ZKSCAN7: variants seen among roughly 807,000 people sequenced by gnomAD.
ZKSCAN7 encodes zinc finger protein with KRAB and SCAN domains 7.
Under a neutral mutation model 65.3 loss-of-function variants are expected in ZKSCAN7, and 38 were observed. That is an observed-to-expected ratio of 0.58 (90% confidence interval 0.45 to 0.76). ZKSCAN7 has a LOEUF of 0.76. Ranked by LOEUF, ZKSCAN7 falls within the 30% of genes least tolerant of loss-of-function variation. The pLI is 0.00. For missense variants in ZKSCAN7, 815 were observed against 913.3 expected (o/e 0.89, Z 1.39); for synonymous variants, 321 against 321.0 (o/e 1.00, Z 0.00).
intron 2 of ZKSCAN7, among the ~76,000 whole-genome samples, chr3:44,561,162 C>G (rs570017602): frequency 2.0e-5 from 3 of 152,214 alleles, no homozygotes; most frequent in Non-Finnish European, 2.9e-5. Context: ...AATTGGCCCA[C>G]AGTTTCACAG....
chr3:44,563,085 C>T (rs1041843388), intron 2 of ZKSCAN7, among the ~76,000 whole-genome samples: 3 of 152,270 alleles, frequency 2.0e-5, no homozygotes, highest in Non-Finnish European at 4.4e-5. Context: ...GGTCTCTTTG[C>T]TAAAGCATAG....
In ZKSCAN7 at chr3:44,570,378, C is replaced by T. The variant is rs1436985570; in HGVS notation, c.1268C>T (p.Thr423Ile). The T allele has an allele frequency of 3.7e-6, 6 of 1,613,116 alleles. No homozygotes were observed. The highest frequency in any genetic ancestry group is 8.5e-7 in the Non-Finnish European group (1 of 1,179,726). Residue 423 changes from threonine to isoleucine, a missense_variant, in exon 6 of 6, where the codon ACC (threonine) becomes ATC (isoleucine). By Grantham distance (89) the Thr-to-Ile change is moderately conservative. This residue lies in a region of ZKSCAN7 where 578 missense variants were observed against 629.5 expected (regional missense o/e 0.92). Transcript: ENST00000426540. ...CNECGKTFRQ[T>I]SQLIVHLRTH... Reference sequence around the variant, plus strand: ...GAGTGTGGGAAGACCTTCAGGCAAACCTCCCAGCTCATTGTTCATCTCAGA... The same window carrying T: ...GAGTGTGGGAAGACCTTCAGGCAAATCTCCCAGCTCATTGTTCATCTCAGA...
intron 5 of ZKSCAN7, among the ~76,000 whole-genome samples, chr3:44,579,281 C>T (rs987642672): frequency 1.3e-5 from 2 of 152,320 alleles, no homozygotes; most frequent in Admixed American, 6.5e-5. Flanking sequence ...CCTCCGTGCA[C>T]GCTCCCGCTC....
intron 1 of ZKSCAN7, among the ~76,000 whole-genome samples, chr3:44,555,945 TGACTG>T (rs1359040173): frequency 6.6e-6 from 1 of 152,204 alleles, no homozygotes. Context: ...TGTACAAAGA[TGACTG>T]GAAGTCAGCT....
chr3:44,580,740 C>T, intron 5 of ZKSCAN7: 2 of 1,613,908 alleles, frequency 1.2e-6, no homozygotes, highest in Non-Finnish European at 1.7e-6. Flanking sequence ...GTTGATGGTG[C>T]CCTGAGGAAG....
intron 5 of ZKSCAN7, chr3:44,579,838 C>T (rs1700021592): frequency 1.2e-6 from 2 of 1,611,702 alleles, no homozygotes; most frequent in Admixed American, 3.3e-5. Context: ...ACTGGCTGTC[C>T]TCATACTGCT....
downstream of ZKSCAN7, among the ~76,000 whole-genome samples, chr3:44,575,568 G>T (rs925193967): frequency 2.6e-5 from 4 of 152,144 alleles, no homozygotes; most frequent in Non-Finnish European, 4.4e-5. Flanking sequence ...GTATTCCTGG[G>T]ATAAATCTAT....
At chr3:44,557,716 G>T (rs114356906) in intron 2 of ZKSCAN7, 3 of 558,034 alleles carry the variant, frequency 5.4e-6, no homozygotes, top group South Asian at 2.3e-5. Flanking sequence ...CTGGAGATTC[G>T]CATGGTACTC....
chr3:44,562,616 T>TTAAATAAAA (rs1559424326), intron 2 of ZKSCAN7, among the ~76,000 whole-genome samples: 1 of 152,242 alleles, frequency 6.6e-6, no homozygotes, highest in Non-Finnish European at 1.5e-5. Context: ...CAGATCTCTT[T>TTAAATAAAA]GTTCACAAAT....
chr3:44,569,145 C>T (rs181127893), intron 5 of ZKSCAN7, among the ~76,000 whole-genome samples: 121 of 152,314 alleles, frequency 7.9e-4, no homozygotes, highest in Non-Finnish European at 1.5e-3. Context: ...GGGTTTGGCC[C>T]AGGCCACAGC....
At chr3:44,558,577 C>G (rs998800996) in intron 2 of ZKSCAN7, among the ~76,000 whole-genome samples, 1 of 151,160 alleles carries the variant, frequency 6.6e-6, no homozygotes, top group Non-Finnish European at 1.5e-5. Flanking sequence ...AAGTGGCTTA[C>G]GTAATTGTGA....
At chr3:44,568,202 A>G (rs1263522344) in intron 4 of ZKSCAN7, 105 bp from the exon 5 acceptor site, 2 of 1,552,356 alleles carry the variant, frequency 1.3e-6, no homozygotes, top group African/African-American at 2.7e-5. Context: ...CCTCTCTCCC[A>G]TACTTTTGCC....
chr3:44,570,245 G>A lies in ZKSCAN7; in HGVS notation c.1135G>A (p.Gly379Arg). 1 of 1,614,206 alleles carries A rather than the reference G, an allele frequency of 6.2e-7. No homozygotes were observed. Among genetic ancestry groups the A allele is most frequent in the Non-Finnish European group, 8.5e-7 (1 of 1,180,030 alleles). ...TGTTGAACATGAAGGAGTTTTAAAG[G>A]GACAGAAATCCTATCGATGTGATGA... ...SPVEHEGVLK[G>R]QKSYRCDECG... The change falls in exon 6 of 6, where the codon GGA becomes AGA. Residue 379 changes from glycine to arginine, a missense_variant. Transcript: ENST00000426540.
At chr3:44,578,146 C>T in intron 5 of ZKSCAN7, 2 of 1,519,916 alleles carry the variant, frequency 1.3e-6, no homozygotes, top group Non-Finnish European at 1.8e-6. Context: ...TTAAGCTGCT[C>T]TTTCAACCTG....
chr3:44,581,371 G>A lies in ZKSCAN7; in HGVS notation c.812-1601G>A, dbSNP rs1415993563. Among the ~76,000 whole-genome samples the A allele has an allele frequency of 2.0e-5, 3 of 152,008 alleles. No homozygotes were observed. The East Asian group carries it at 5.8e-4, about 29-fold the overall frequency. On this transcript the variant is annotated intron_variant, in intron 5 of 5. Transcript: ENST00000341840. Reference sequence around the variant, plus strand: ...CCACAGCTGCCCTCAGCGCCCCGCGGCCGCTGCAAATGACCAATTCTTAAG... The same window carrying A: ...CCACAGCTGCCCTCAGCGCCCCGCGACCGCTGCAAATGACCAATTCTTAAG...
intron 5 of ZKSCAN7, chr3:44,579,802 G>A (rs974014337): frequency 8.1e-6 from 13 of 1,612,976 alleles, no homozygotes; most frequent in Admixed American, 5.0e-5. Context: ...GGCTTTGATC[G>A]GCGAGGACAA....
chr3:44,573,029 C>G (rs1167778718), downstream of ZKSCAN7, among the ~76,000 whole-genome samples: 5 of 152,130 alleles, frequency 3.3e-5, no homozygotes, highest in Admixed American at 2.6e-4. Context: ...TCCTTATCGA[C>G]TAGTCCTATC....
downstream of ZKSCAN7, among the ~76,000 whole-genome samples, chr3:44,576,460 G>A (rs1699926095): frequency 6.6e-6 from 1 of 151,928 alleles, no homozygotes; most frequent in South Asian, 2.1e-4. Context: ...TTTACTTTCA[G>A]GATTACCAAA....
chr3:44,582,866 G>A, intron 5 of ZKSCAN7: 1 of 376,156 alleles, frequency 2.7e-6, no homozygotes, highest in Non-Finnish European at 5.3e-6. Context: ...GGAAGACTAA[G>A]TAAGTTAAAG....
Sources: allele counts gnomAD v4.1 joint callset (sites outside exome capture counted in the v4.1 genomes callset), GRCh38; gene constraint gnomAD v4.1.1; regional missense constraint gnomAD v4.1.1; transcripts MANE v1.5; gene names NCBI Gene and HGNC (gene_info 2026-07-23, HGNC 2026-07-21).